Variants in SLC44A5 observed in about 807,000 individuals in gnomAD.
SLC44A5 encodes solute carrier family 44 member 5, also known as choline transporter-like protein 5.
SLC44A5 carries 57 observed loss-of-function variants against 101.8 expected under a neutral mutation model. That is an observed-to-expected ratio of 0.56 (90% confidence interval 0.45 to 0.70). SLC44A5 has a LOEUF of 0.70. SLC44A5 is among the 30% of genes least tolerant of loss of function. SLC44A5 has a pLI of 0.00. For missense variants in SLC44A5, 737 were observed against 853.1 expected, an observed-to-expected ratio of 0.86 and a Z score of 1.70; for synonymous variants, 281 against 290.9, an observed-to-expected ratio of 0.97 and a Z score of 0.35.
At chr1:75,639,168 T>C in the SLC44A5 span, among the ~76,000 whole-genome samples, 1 of 152,092 alleles carries the variant, frequency 6.6e-6, no homozygotes, top group Non-Finnish European at 1.5e-5. Flanking sequence ...CAATATACTG[T>C]ATTCTTGAAA....
At chr1:75,710,101 G>A in the SLC44A5 span, 2 of 152,140 alleles carry the variant, frequency 1.3e-5, no homozygotes, top group East Asian at 3.9e-4. Context: ...AATGAAGGAA[G>A]GATAAAAAAG....
At chr1:75,378,522 G>A (rs2101228430) in intron 3 of SLC44A5, among the ~76,000 whole-genome samples, 1 of 77,384 alleles carries the variant, frequency 1.3e-5, no homozygotes, top group South Asian at 4.1e-4. Context: ...GATGCCCCTG[G>A]AAGCTGTTTA....
chr1:75,575,666 G>A (rs943629251), intron 1 of SLC44A5, among the ~76,000 whole-genome samples: 5 of 152,074 alleles, frequency 3.3e-5, no homozygotes, highest in African/African-American at 9.7e-5. Flanking sequence ...AATACAGAGG[G>A]TATATATTTC....
At chr1:75,650,409 T>C in the SLC44A5 span, among the ~76,000 whole-genome samples, 1 of 152,198 alleles carries the variant, frequency 6.6e-6, no homozygotes, top group Non-Finnish European at 1.5e-5. Flanking sequence ...TGCCACAAGA[T>C]GACACATAAA....
In SLC44A5 at chr1:75,477,158, C is replaced by G. The variant is rs1221137723; in HGVS notation, c.13+64277G>C. ...CAGGCAAACAGGGTCTGGAGTGGAC[C>G]CCTAGCAAACTCCAACAGGCCTGCA... is the stretch of plus-strand genomic sequence containing the variant. On this transcript the variant is annotated intron_variant, in intron 2 of 23. Coordinates refer to ENST00000370859, the MANE Select transcript of SLC44A5 (RefSeq NM_001130058.2). 2.6e-5 allele frequency among the ~76,000 whole-genome samples: 4 copies of G among 152,306 alleles called. No homozygotes were observed. The East Asian group carries it at 7.7e-4, about 29-fold the overall frequency.
the SLC44A5 span, among the ~76,000 whole-genome samples, chr1:75,658,864 T>A: frequency 6.6e-6 from 1 of 151,830 alleles, no homozygotes; most frequent in Non-Finnish European, 1.5e-5. Context: ...ATAAATAAAA[T>A]TTTAAAACCT....
chr1:75,505,160 G>T (rs555284119), intron 2 of SLC44A5, among the ~76,000 whole-genome samples: 1 of 152,224 alleles, frequency 6.6e-6, no homozygotes, highest in South Asian at 2.1e-4. Context: ...TTGCTGCAAA[G>T]GACATGATTT....
At chr1:75,313,612 A>T (rs1307390541) in intron 4 of SLC44A5, among the ~76,000 whole-genome samples, 1 of 152,214 alleles carries the variant, frequency 6.6e-6, no homozygotes, top group Non-Finnish European at 1.5e-5. Context: ...ATGACAACTT[A>T]CTGAACTGTG....
chr1:75,280,067 C>A (rs1404309300), intron 5 of SLC44A5, among the ~76,000 whole-genome samples: 1 of 145,090 alleles, frequency 6.9e-6, no homozygotes, highest in Non-Finnish European at 1.5e-5. Flanking sequence ...CAGGTTGCTG[C>A]AAATTACATT....
At chr1:75,677,602 A>G in the SLC44A5 span, 4,959 of 298,284 alleles carry the variant, frequency 0.017, 256 homozygotes, top group African/African-American at 0.11. Flanking sequence ...TGGAAAACTA[A>G]TAACAAAATG....
intron 2 of SLC44A5, among the ~76,000 whole-genome samples, chr1:75,506,638 C>T (rs1669274054): frequency 6.6e-6 from 1 of 152,020 alleles, no homozygotes; most frequent in African/African-American, 2.4e-5. Flanking sequence ...GTTTGACTCT[C>T]AGCTTGAATG....
Position 75,396,578 on chromosome 1 carries a change from C to T in SLC44A5, c.52+5G>A, listed in dbSNP as rs79353172. 8,720 of 1,610,644 alleles carry T rather than the reference C, an allele frequency of 5.4e-3. 43 individuals carry two copies. The highest frequency in any genetic ancestry group is 6.0e-3 in the Non-Finnish European group (7,024 of 1,177,374). ...TTAGCACTTAATACTCAGACTATGA[C>T]TTACCAAAGTCCTCTTCCTCAGAGG... On this transcript the variant is annotated splice_donor_5th_base_variant and intron_variant, in intron 3 of 23. Transcript: ENST00000370859.
At chr1:75,383,862 C>A (rs1349719853) in intron 3 of SLC44A5, among the ~76,000 whole-genome samples, 1 of 152,126 alleles carries the variant, frequency 6.6e-6, no homozygotes, top group African/African-American at 2.4e-5. Flanking sequence ...GATCTCTCAG[C>A]AGAAACCCTA....
chr1:75,551,960 C>CTAATTT (rs1418802529), intron 1 of SLC44A5, among the ~76,000 whole-genome samples: 10 of 152,110 alleles, frequency 6.6e-5, no homozygotes, highest in Non-Finnish European at 1.3e-4. Flanking sequence ...CAGTCAATCC[C>CTAATTT]TAATTTTCCT....
chr1:75,716,089 T>C, the SLC44A5 span, among the ~76,000 whole-genome samples: 1 of 151,910 alleles, frequency 6.6e-6, no homozygotes, highest in East Asian at 1.9e-4. Flanking sequence ...AATAGAGAAA[T>C]GCAAATCAAA....
At chr1:75,692,440 C>T in the SLC44A5 span, among the ~76,000 whole-genome samples, 6,710 of 152,040 alleles carry the variant, frequency 0.044, 202 homozygotes, top group African/African-American at 0.092. Flanking sequence ...TGTGATCCGC[C>T]CGCCTCAGCC....
At chr1:75,276,026 A>T (rs1009219724) in intron 5 of SLC44A5, among the ~76,000 whole-genome samples, 2 of 152,162 alleles carry the variant, frequency 1.3e-5, no homozygotes, top group Admixed American at 1.3e-4. Context: ...TTGGGAAGAT[A>T]AAAAAATCAA....
At chr1:75,385,399 A>G (rs1661245795) in intron 3 of SLC44A5, among the ~76,000 whole-genome samples, 1 of 152,072 alleles carries the variant, frequency 6.6e-6, no homozygotes, top group South Asian at 2.1e-4. Context: ...CCACAGAAAT[A>G]CAAACTACCA....
intron 2 of SLC44A5, among the ~76,000 whole-genome samples, chr1:75,442,563 G>A (rs1490869989): frequency 6.6e-6 from 1 of 151,932 alleles, no homozygotes; most frequent in Non-Finnish European, 1.5e-5. Flanking sequence ...TCTTCTTCAG[G>A]AAGAATACTT....
Sources: allele counts gnomAD v4.1 joint callset (sites outside exome capture counted in the v4.1 genomes callset), GRCh38; gene constraint gnomAD v4.1.1; transcripts MANE v1.5; gene names NCBI Gene and HGNC (gene_info 2026-07-23, HGNC 2026-07-21).